Variants in PRKAR2A observed in about 807,000 individuals in gnomAD.
PRKAR2A encodes cAMP-dependent protein kinase type II-alpha regulatory subunit.
A neutral mutation model predicts 51.9 loss-of-function variants in PRKAR2A; 29 were observed. That is an observed-to-expected ratio of 0.56 (90% confidence interval 0.42 to 0.76). The LOEUF is 0.76. Ranked by LOEUF, PRKAR2A falls within the 30% of genes least tolerant of loss-of-function variation. PRKAR2A has a pLI of 0.00. For synonymous variants in PRKAR2A, 178 were observed against 186.2 expected, an observed-to-expected ratio of 0.96 and a Z score of 0.36; for missense variants, 445 against 512.1, an observed-to-expected ratio of 0.87 and a Z score of 1.26.
intron 1 of PRKAR2A, among the ~76,000 whole-genome samples, chr3:48,821,472 T>TAGAGATATGAGTTCTTG (rs548511352): frequency 9.2e-5 from 14 of 152,200 alleles, no homozygotes; most frequent in Non-Finnish European, 7.3e-5. Flanking sequence ...CCCTGGTTTT[T>TAGAGATATGAGTTCTTG]AGAGATATGA....
intron 8 of PRKAR2A, among the ~76,000 whole-genome samples, chr3:48,758,377 G>C (rs2081807345): frequency 1.3e-5 from 2 of 151,640 alleles, no homozygotes; most frequent in African/African-American, 4.8e-5. Flanking sequence ...TCAGGAGTTC[G>C]AGACCAGCTT....
rs772674401 is a variant in PRKAR2A at position 48,783,015 on chromosome 3, A to G, written c.513T>C (p.Asp171=). 3 of 1,613,574 alleles carry G rather than the reference A, an allele frequency of 1.9e-6. No homozygotes were observed. Among genetic ancestry groups the G allele is most frequent in the Non-Finnish European group, 2.5e-6 (3 of 1,179,624 alleles). Residue 171 remains aspartate (D), a synonymous_variant, in exon 5 of 11, where the codon GAT becomes GAC. Coordinates refer to ENST00000265563, the MANE Select transcript of PRKAR2A (RefSeq NM_004157.4). ...KADEHVIDQG[D]DGDNFYVIER... ...CTATGACATAAAAGTTGTCTCCATC[A>G]TCTCCTTGGTCAATGACATGCTCAT...
chr3:48,793,562 C>CA (rs995407635), intron 3 of PRKAR2A, among the ~76,000 whole-genome samples: 18 of 152,254 alleles, frequency 1.2e-4, no homozygotes, highest in African/African-American at 4.1e-4. Flanking sequence ...TGTGAGCCAC[C>CA]ATGCCCAGCA....
chr3:48,792,709 C>T (rs1482307169), intron 3 of PRKAR2A, among the ~76,000 whole-genome samples: 2 of 152,096 alleles, frequency 1.3e-5, no homozygotes, highest in Admixed American at 6.6e-5. Context: ...GATCCACCCG[C>T]CTCGGCCTCC....
At chr3:48,826,174 G>A (rs1253509974) in intron 1 of PRKAR2A, among the ~76,000 whole-genome samples, 2 of 152,124 alleles carry the variant, frequency 1.3e-5, no homozygotes, top group Non-Finnish European at 2.9e-5. Context: ...GCTGAGGTAG[G>A]AGGATTGCCT....
At chr3:48,790,951 A>C (rs984134903) in intron 3 of PRKAR2A, among the ~76,000 whole-genome samples, 18 of 152,154 alleles carry the variant, frequency 1.2e-4, no homozygotes, top group African/African-American at 4.3e-4. Flanking sequence ...GACTCAAAAA[A>C]AAAAGAAAAA....
chr3:48,772,285 C>T (rs1348127895), intron 6 of PRKAR2A, among the ~76,000 whole-genome samples: 7 of 152,186 alleles, frequency 4.6e-5, no homozygotes, highest in Non-Finnish European at 7.3e-5. Context: ...CTTGCTCAGT[C>T]GCCCAGGCTA....
chr3:48,770,991 C>T (rs1027638537), intron 6 of PRKAR2A, among the ~76,000 whole-genome samples: 4 of 152,004 alleles, frequency 2.6e-5, no homozygotes, highest in Admixed American at 6.6e-5. Context: ...TTTGGGAGGC[C>T]GAGGTGGGCA....
chr3:48,765,308 T>G lies in PRKAR2A; in HGVS notation c.738A>C (p.Ala246=). ...ATGATTCAAACATCTTCCTCTTCTTTGCATTATTTTTCACTATGATTCTTC... is the reference window on the plus strand; with the variant it reads ...ATGATTCAAACATCTTCCTCTTCTTGGCATTATTTTTCACTATGATTCTTC... The part of the protein sequence containing the change: ...TFRRIIVKNN[A]KKRKMFESFI... The change falls in exon 7 of 11, where the codon GCA becomes GCC. Residue 246 remains alanine (A), a synonymous_variant. Coordinates refer to ENST00000265563, the MANE Select transcript of PRKAR2A (RefSeq NM_004157.4). The G allele has an allele frequency of 6.2e-7, 1 of 1,612,388 alleles. No homozygotes were observed. Among genetic ancestry groups the G allele is most frequent in the Non-Finnish European group, 8.5e-7 (1 of 1,179,366 alleles).
chr3:48,822,210 CAA>C (rs34189728), intron 1 of PRKAR2A, among the ~76,000 whole-genome samples: 7 of 109,036 alleles, frequency 6.4e-5, no homozygotes, highest in Admixed American at 2.0e-4. Flanking sequence ...GATTCTGTCT[CAA>C]AAAAAAAAAA....
At chr3:48,840,087 T>G (rs1342852118) in intron 1 of PRKAR2A, among the ~76,000 whole-genome samples, 1 of 152,184 alleles carries the variant, frequency 6.6e-6, no homozygotes, top group Non-Finnish European at 1.5e-5. Flanking sequence ...ATTTAGCTAC[T>G]CTGGTTACCT....
chr3:48,820,945 C>T (rs896049431), intron 1 of PRKAR2A, among the ~76,000 whole-genome samples: 1 of 152,092 alleles, frequency 6.6e-6, no homozygotes, highest in African/African-American at 2.4e-5. Flanking sequence ...TCAATAGGTC[C>T]AGAATAGAAC....
In PRKAR2A at chr3:48,750,747, A is replaced by G. The variant is rs1411131363; in HGVS notation, c.*838T>C. Reference sequence around the variant, plus strand: ...GCAACCCTCCAGACCCTGGCTCCTTATAAATGTATAGCAATTCATTCATAC... The same window carrying G: ...GCAACCCTCCAGACCCTGGCTCCTTGTAAATGTATAGCAATTCATTCATAC... On this transcript the variant is annotated 3_prime_UTR_variant, in exon 11 of 11. Transcript: ENST00000265563. The G allele has an allele frequency of 6.5e-6, 1 of 152,954 alleles. No individual in the cohort carries two copies. Among genetic ancestry groups the G allele is most frequent in the Non-Finnish European group, 1.5e-5 (1 of 68,358 alleles). 9.5% of individuals were successfully genotyped at this position (152,954 alleles called of 1,614,324 possible).
chr3:48,770,748 C>T (rs1284132426), intron 6 of PRKAR2A, among the ~76,000 whole-genome samples: 1 of 152,162 alleles, frequency 6.6e-6, no homozygotes, highest in Non-Finnish European at 1.5e-5. Context: ...GTGAGTAGCA[C>T]CATGGCCATG....
chr3:48,752,895 T>A (rs1223112694), intron 9 of PRKAR2A, among the ~76,000 whole-genome samples: 1 of 145,788 alleles, frequency 6.9e-6, no homozygotes, highest in East Asian at 2.1e-4. Context: ...ATTTGTACCT[T>A]AAGTTAGTGG....
At chr3:48,832,170 T>C (rs978933286) in intron 1 of PRKAR2A, among the ~76,000 whole-genome samples, 1 of 151,552 alleles carries the variant, frequency 6.6e-6, no homozygotes, top group African/African-American at 2.4e-5. Context: ...GGCGGGCGCC[T>C]GTAATCCCAG....
intron 1 of PRKAR2A, among the ~76,000 whole-genome samples, chr3:48,824,789 C>T (rs997806896): frequency 1.3e-5 from 2 of 151,206 alleles, no homozygotes; most frequent in African/African-American, 2.4e-5. Flanking sequence ...CTACTAAAAA[C>T]ACAAAAATTA....
At chr3:48,759,416 C>T (rs1229771261) in intron 8 of PRKAR2A, among the ~76,000 whole-genome samples, 10 of 139,282 alleles carry the variant, frequency 7.2e-5, no homozygotes, top group Non-Finnish European at 1.5e-4. Flanking sequence ...GACGGAGTTT[C>T]ACTCTTGTTG....
chr3:48,782,921 G>T, intron 5 of PRKAR2A, 65 bp downstream of exon 5: 2 of 1,152,696 alleles, frequency 1.7e-6, no homozygotes, highest in Non-Finnish European at 1.3e-6. Context: ...ATAGGATAAA[G>T]CATCTGCCCT....
Sources: allele counts gnomAD v4.1 joint callset (sites outside exome capture counted in the v4.1 genomes callset), GRCh38; gene constraint gnomAD v4.1.1; transcripts MANE v1.5; gene names NCBI Gene and HGNC (gene_info 2026-07-23, HGNC 2026-07-21).